The following GPC5 variants were observed in gnomAD, a reference collection of about 807,000 sequenced individuals.
GPC5 encodes the protein glypican 5.
Under a neutral mutation model 53.9 loss-of-function variants are expected in GPC5, and 47 were observed. The observed-to-expected ratio is 0.87, with a 90% CI of 0.69 to 1.11. The LOEUF is 1.11. GPC5 is among the 50% of genes most tolerant of loss of function. The pLI is 0.00. For synonymous variants in GPC5, 286 were observed against 263.3 expected, an observed-to-expected ratio of 1.09 and a Z score of -0.84; for missense variants, 748 against 713.1, an observed-to-expected ratio of 1.05 and a Z score of -0.56.
At chr13:92,284,456 C>A (rs1330918858) in intron 7 of GPC5, among the ~76,000 whole-genome samples, 1 of 152,102 alleles carries the variant, frequency 6.6e-6, no homozygotes, top group Non-Finnish European at 1.5e-5. Flanking sequence ...AATTTTAGAC[C>A]GATATCCCTG....
At chr13:91,491,402 A>G (rs1008065535) in intron 2 of GPC5, among the ~76,000 whole-genome samples, 2 of 152,198 alleles carry the variant, frequency 1.3e-5, no homozygotes, top group Admixed American at 6.5e-5. Context: ...ACTATTCGGC[A>G]TATAACCTAC....
chr13:92,046,978 C>T (rs1322328589), intron 6 of GPC5, among the ~76,000 whole-genome samples: 1 of 152,130 alleles, frequency 6.6e-6, no homozygotes, highest in East Asian at 1.9e-4. Flanking sequence ...GGGGTCTATT[C>T]TTGCCTCATT....
chr13:92,817,073 G>A (rs1336750113), intron 7 of GPC5, among the ~76,000 whole-genome samples: 1 of 151,926 alleles, frequency 6.6e-6, no homozygotes, highest in Non-Finnish European at 1.5e-5. Flanking sequence ...GAAGCTTAAG[G>A]TTGGAAGAAC....
chr13:92,337,034 C>T (rs1238740407), intron 7 of GPC5, among the ~76,000 whole-genome samples: 14 of 151,986 alleles, frequency 9.2e-5, no homozygotes, highest in Non-Finnish European at 1.9e-4. Context: ...CAGTTATCTC[C>T]CACTGGGTCC....
chr13:92,185,035 G>T (rs1460924557), intron 7 of GPC5, among the ~76,000 whole-genome samples: 2 of 152,210 alleles, frequency 1.3e-5, no homozygotes, highest in East Asian at 3.9e-4. Flanking sequence ...AGTAAGTACT[G>T]GACAGTAGCA....
At chr13:91,774,742 T>C (rs1017685327) in intron 5 of GPC5, among the ~76,000 whole-genome samples, 4 of 152,182 alleles carry the variant, frequency 2.6e-5, no homozygotes, top group Non-Finnish European at 4.4e-5. Flanking sequence ...GTTCAGAAGA[T>C]GGGCCTACTA....
intron 7 of GPC5, among the ~76,000 whole-genome samples, chr13:92,541,277 A>G (rs1881922491): frequency 6.6e-6 from 1 of 151,882 alleles, no homozygotes; most frequent in Admixed American, 6.6e-5. Context: ...GCAAGGTACT[A>G]CAAGATGAAT....
chr13:92,388,429 G>T (rs1874843584), intron 7 of GPC5, among the ~76,000 whole-genome samples: 1 of 152,072 alleles, frequency 6.6e-6, no homozygotes, highest in African/African-American at 2.4e-5. Flanking sequence ...GACCCACTCA[G>T]TGACTAAGAC....
chr13:92,165,616 C>A (rs1034595496), intron 7 of GPC5, among the ~76,000 whole-genome samples: 9 of 152,252 alleles, frequency 5.9e-5, no homozygotes, highest in Non-Finnish European at 1.2e-4. Flanking sequence ...AGGAGAACCA[C>A]CCCCGTGATT....
At chr13:92,435,875 C>T (rs1334066985) in intron 7 of GPC5, among the ~76,000 whole-genome samples, 1 of 152,166 alleles carries the variant, frequency 6.6e-6, no homozygotes, top group Non-Finnish European at 1.5e-5. Context: ...TTTTAAGACA[C>T]TTAATTCAAC....
intron 3 of GPC5, among the ~76,000 whole-genome samples, chr13:91,698,192 G>A (rs2035923098): frequency 6.6e-6 from 1 of 152,084 alleles, no homozygotes; most frequent in South Asian, 2.1e-4. Flanking sequence ...AACAAAAAAA[G>A]TCCCATTCTA....
At chr13:92,527,167 A>G (rs1881339640) in intron 7 of GPC5, among the ~76,000 whole-genome samples, 1 of 129,614 alleles carries the variant, frequency 7.7e-6, no homozygotes, top group Admixed American at 8.2e-5. Context: ...AAAGAAAGAA[A>G]GAAAGAGAAA....
chr13:92,235,334 A>G (rs976420542), intron 7 of GPC5, among the ~76,000 whole-genome samples: 1 of 152,154 alleles, frequency 6.6e-6, no homozygotes, highest in Non-Finnish European at 1.5e-5. Context: ...ATTTATTGAA[A>G]TAGACTCCTG....
intron 7 of GPC5, among the ~76,000 whole-genome samples, chr13:92,417,102 CA>C (rs1876339311): frequency 6.6e-6 from 1 of 152,162 alleles, no homozygotes; most frequent in African/African-American, 2.4e-5. Flanking sequence ...GCACTGAATG[CA>C]TATCACTTTT....
intron 5 of GPC5, 32 bp from the exon 6 acceptor site, chr13:91,907,905 C>T (rs1319866104): frequency 6.3e-7 from 1 of 1,590,586 alleles, no homozygotes; most frequent in Non-Finnish European, 8.5e-7. Context: ...TGATCAGGTA[C>T]TAAGTCATAT....
chr13:91,760,947 C>T (rs1180529871), intron 5 of GPC5, among the ~76,000 whole-genome samples: 1 of 152,188 alleles, frequency 6.6e-6, no homozygotes, highest in Non-Finnish European at 1.5e-5. Context: ...CAAACAATTT[C>T]TGATTTAAGA....
At chr13:91,685,693 C>A (rs2035606613) in intron 2 of GPC5, among the ~76,000 whole-genome samples, 1 of 152,042 alleles carries the variant, frequency 6.6e-6, no homozygotes, top group Admixed American at 6.5e-5. Context: ...AGGTCTAAAA[C>A]AGGTGCTCAA....
At chr13:92,138,829 A>G (rs2041806568) in intron 6 of GPC5, among the ~76,000 whole-genome samples, 1 of 152,130 alleles carries the variant, frequency 6.6e-6, no homozygotes, top group African/African-American at 2.4e-5. Flanking sequence ...AGGAATATAA[A>G]CAGCCTATCC....
At chr13:91,555,274 C>A (rs374406707) in intron 2 of GPC5, among the ~76,000 whole-genome samples, 1 of 151,840 alleles carries the variant, frequency 6.6e-6, no homozygotes, top group East Asian at 1.9e-4. Context: ...ACATGATAGC[C>A]GATGTTTGAC....
Sources: allele counts gnomAD v4.1 joint callset (sites outside exome capture counted in the v4.1 genomes callset), GRCh38; gene constraint gnomAD v4.1.1; transcripts MANE v1.5; gene names NCBI Gene and HGNC (gene_info 2026-07-23, HGNC 2026-07-21).